The following LRRC9 variants were observed in gnomAD, a reference collection of about 807,000 sequenced individuals.
LRRC9 encodes leucine-rich repeat-containing protein 9.
A neutral mutation model predicts 63.2 loss-of-function variants in LRRC9; 122 were observed. The observed-to-expected ratio is 1.93, with a 90% confidence interval of 1.67 to 2.24. The LOEUF (loss-of-function observed/expected upper bound fraction) is 2.24, where lower values mean the gene tolerates loss of function less well. LRRC9 is among the 30% of genes most tolerant of loss of function. The probability of loss-of-function intolerance (pLI) is 0.00; values close to 1 mark genes in which losing one functional copy is unlikely to be tolerated. For synonymous variants in LRRC9, 366 were observed against 213.1 expected, an observed-to-expected ratio of 1.72 and a Z score of -6.25; for missense variants, 1,071 against 627.7, an observed-to-expected ratio of 1.71 and a Z score of -7.55.
chr14:59,994,384 G>A (rs1292390814), intron 17 of LRRC9, among the ~76,000 whole-genome samples: 1 of 152,220 alleles, frequency 6.6e-6, no homozygotes, highest in Non-Finnish European at 1.5e-5. Context: ...AGGATATGGA[G>A]AAATAGGAAC....
At position 60,032,005 on chromosome 14, in the gene LRRC9, A is replaced by G. The variant is rs1225728160; in HGVS notation, c.3932A>G (p.Glu1311Gly). 5.7e-6 allele frequency: 4 copies of G among 700,830 alleles called. No homozygotes were observed. In the South Asian group the frequency reaches 5.9e-5, roughly 10 times the overall value. 43.4% of individuals were successfully genotyped at this position (700,830 alleles called of 1,614,324 possible). ...TTAACTTTTGAATAGGATATCACAG[A>G]ACTGGAAAAACTTGACGTTATCTCT... Residue 1311 changes from glutamate to glycine, a missense_variant, in exon 29 of 32, where the codon GAA becomes GGA. Transcript: ENST00000445360.
At chr14:59,953,403 T>C (rs761230045) in intron 8 of LRRC9, among the ~76,000 whole-genome samples, 3 of 152,246 alleles carry the variant, frequency 2.0e-5, no homozygotes, top group Non-Finnish European at 4.4e-5. Flanking sequence ...ATTTCTCTAA[T>C]GACCAGTGAT....
intron 8 of LRRC9, among the ~76,000 whole-genome samples, chr14:59,949,671 G>A (rs930629711): frequency 1.3e-4 from 20 of 151,136 alleles, no homozygotes; most frequent in African/African-American, 4.9e-4. Flanking sequence ...TGCTTTGAAT[G>A]CGTCCCAGAG....
At chr14:59,971,892 C>T (rs1885545769) in intron 12 of LRRC9, among the ~76,000 whole-genome samples, 1 of 152,074 alleles carries the variant, frequency 6.6e-6, no homozygotes, top group Non-Finnish European at 1.5e-5. Context: ...CTAGTTCTTC[C>T]ATTTTTCACA....
At chr14:60,037,725 A>G (rs1436133342) in intron 29 of LRRC9, among the ~76,000 whole-genome samples, 1 of 151,986 alleles carries the variant, frequency 6.6e-6, no homozygotes, top group Non-Finnish European at 1.5e-5. Context: ...TTGCCTGTTC[A>G]CTCTGATGGT....
rs1884041405 is a variant in LRRC9 at position 59,958,601 on chromosome 14, C to G, written c.883-1217C>G. Among the ~76,000 whole-genome samples the G allele has an allele frequency of 1.3e-5, 2 of 152,186 alleles. No individual in the cohort carries two copies. On this transcript the variant is annotated intron_variant, in intron 8 of 31. Transcript: ENST00000445360. The surrounding 1 kb of genome is among the most constrained non-coding windows in gnomAD (Gnocchi z 4.0). The stretch of plus-strand genomic sequence containing the variant: ...CCCGCTGAGCAAGACCACTTGGCTC[C>G]CTGGCTTCAGTCCGCTTTGCAGGGG...
At chr14:60,020,840 T>C (rs767360320) in intron 26 of LRRC9, among the ~76,000 whole-genome samples, 23 of 151,946 alleles carry the variant, frequency 1.5e-4, no homozygotes, top group Admixed American at 1.5e-3. Flanking sequence ...GCCATTTCAC[T>C]GTATGGATAT....
At chr14:59,952,029 C>G (rs1193300993) in intron 8 of LRRC9, among the ~76,000 whole-genome samples, 2 of 151,924 alleles carry the variant, frequency 1.3e-5, no homozygotes, top group Non-Finnish European at 2.9e-5. Flanking sequence ...GGGCTCCACC[C>G]AGTTCGAGCT....
In LRRC9 at chr14:60,042,120, C is replaced by CA. The variant is rs1311226897; in HGVS notation, c.3990+10058dup. The stretch of plus-strand genomic sequence containing the variant: ...GATCCTTCCTCTGGAACCTTCGTCT[C>CA]AGAGGGGCACCCAGCTGTATGAGGT... On this transcript the variant is annotated intron_variant, in intron 29 of 31. Coordinates refer to ENST00000445360, the Ensembl canonical transcript of LRRC9. The surrounding 1 kb of genome is among the most constrained non-coding windows in gnomAD (Gnocchi z 4.2). Among the ~76,000 whole-genome samples, 26 of 152,200 alleles carry CA rather than the reference C, an allele frequency of 1.7e-4. No individual in the cohort carries two copies. Among genetic ancestry groups the CA allele is most frequent in the Admixed American group, 1.6e-3 (25 of 15,280 alleles).
intron 12 of LRRC9, among the ~76,000 whole-genome samples, chr14:59,972,231 T>G (rs1885594524): frequency 6.6e-6 from 1 of 152,150 alleles, no homozygotes; most frequent in East Asian, 1.9e-4. Flanking sequence ...GTTTCTTCTT[T>G]TGTGTGGCTT....
In LRRC9 at chr14:59,942,066, T is replaced by G. The variant is rs563583576; in HGVS notation, c.727-2523T>G. 1.1e-4 allele frequency among the ~76,000 whole-genome samples: 17 copies of G among 152,108 alleles called. No homozygotes were observed. Among genetic ancestry groups the G allele is most frequent in the Non-Finnish European group, 2.1e-4 (14 of 67,936 alleles). ...TACGTGAGTGATAACATGCAGTCTT[T>G]ATTTTTCTGTGCTTGACTTATTTCG... On this transcript the variant is annotated intron_variant, in intron 7 of 31. Transcript: ENST00000445360. This position sits in a 1 kb window ranked among gnomAD's most constrained non-coding sequence, Gnocchi z 5.3.
intron 29 of LRRC9, among the ~76,000 whole-genome samples, chr14:60,033,632 T>C (rs1340137242): frequency 6.6e-6 from 1 of 152,164 alleles, no homozygotes; most frequent in Non-Finnish European, 1.5e-5. Context: ...TTGGTCATGT[T>C]TTATATTTTA....
chr14:60,059,668 C>A (rs1451404672), intron 31 of LRRC9, among the ~76,000 whole-genome samples: 2 of 152,196 alleles, frequency 1.3e-5, no homozygotes, highest in Non-Finnish European at 2.9e-5. Flanking sequence ...AATCCAGAGA[C>A]CCTAACTGTC....
At chr14:60,038,852 A>G (rs1384130295) in intron 29 of LRRC9, among the ~76,000 whole-genome samples, 2 of 152,232 alleles carry the variant, frequency 1.3e-5, no homozygotes, top group African/African-American at 2.4e-5. Context: ...GCCAGTTTTC[A>G]AAGGGAATGC....
chr14:59,979,364 A>G (rs1442354859), intron 15 of LRRC9, among the ~76,000 whole-genome samples: 1 of 152,210 alleles, frequency 6.6e-6, no homozygotes, highest in East Asian at 1.9e-4. Context: ...CACGCCTGTA[A>G]TCCCAGCACT....
intron 30 of LRRC9, chr14:60,057,537 A>G (rs960647392): frequency 1.8e-5 from 3 of 166,508 alleles, no homozygotes; most frequent in African/African-American, 7.1e-5. Context: ...AAAAAGCATT[A>G]CAATGGGGAA....
At chr14:60,024,809 A>G (rs1224561515) in intron 27 of LRRC9, among the ~76,000 whole-genome samples, 3 of 151,974 alleles carry the variant, frequency 2.0e-5, no homozygotes, top group Non-Finnish European at 2.9e-5. Context: ...GTAATTTTTC[A>G]ACCCTCACCC....
chr14:60,009,835 C>T (rs190169215), intron 23 of LRRC9, among the ~76,000 whole-genome samples: 1 of 152,206 alleles, frequency 6.6e-6, no homozygotes, highest in Non-Finnish European at 1.5e-5. Context: ...AAAGGGGCTA[C>T]AGGCCGCATG....
At chr14:60,034,191 G>A (rs1158772278) in intron 29 of LRRC9, among the ~76,000 whole-genome samples, 2 of 151,098 alleles carry the variant, frequency 1.3e-5, no homozygotes, top group African/African-American at 4.9e-5. Context: ...CTAATTTTTT[G>A]TATTTTTAGT....
Sources: gnomAD v4.1 joint callset for allele counts (sites outside exome capture counted in the v4.1 genomes callset) on GRCh38, gnomAD v4.1.1 for gene constraint, Gnocchi (gnomAD v3.1) non-coding constraint, MANE v1.5 for transcripts, NCBI Gene and HGNC (gene_info 2026-07-23, HGNC 2026-07-21) for gene names.